NADK2: variants seen among roughly 807,000 people sequenced by gnomAD.
NADK2 encodes the protein NAD kinase domain-containing protein 1, mitochondrial.
In NADK2, 35 loss-of-function variants were observed where a neutral mutation model predicts 62.1. That is an observed-to-expected ratio of 0.56 (90% CI 0.43 to 0.75). The LOEUF (loss-of-function observed/expected upper bound fraction) is 0.75. Ranked by LOEUF, NADK2 falls within the 30% of genes least tolerant of loss-of-function variation. NADK2 has a pLI of 0.00. For synonymous variants in NADK2, 205 were observed against 207.9 expected (o/e 0.99, Z 0.12); for missense variants, 439 against 561.3 (o/e 0.78, Z 2.20).
At chr5:36,237,782 A>T (rs1251993090) in intron 1 of NADK2, among the ~76,000 whole-genome samples, 5 of 152,240 alleles carry the variant, frequency 3.3e-5, no homozygotes, top group Non-Finnish European at 5.9e-5. Flanking sequence ...TGGGGACCAC[A>T]TGCCAACCAG....
intron 1 of NADK2, among the ~76,000 whole-genome samples, chr5:36,237,746 C>A (rs1747961094): frequency 6.6e-6 from 1 of 152,098 alleles, no homozygotes; most frequent in Non-Finnish European, 1.5e-5. Flanking sequence ...TGAACTTGAG[C>A]CCACAACTGT....
Position 36,192,699 on chromosome 5 carries a change from A to G in NADK2, c.*2445T>C, listed in dbSNP as rs1322173433. 1 of 152,244 alleles carries G rather than the reference A, an allele frequency of 6.6e-6. No homozygotes were observed. The highest frequency in any genetic ancestry group is 6.5e-5 in the Admixed American group (1 of 15,286). The allele number at this position is 152,244 out of a possible 1,614,324, so 9.4% of individuals were successfully genotyped here. A position where few individuals can be genotyped will look rare whatever the true frequency, so the allele number is the denominator to read the frequency against. ...CTGAAGAGCCTACACTGACCAGGTAAGCACTTCACCCTGATTTAATAACTA... is the reference window on the plus strand; with the variant it reads ...CTGAAGAGCCTACACTGACCAGGTAGGCACTTCACCCTGATTTAATAACTA... On this transcript the variant is annotated 3_prime_UTR_variant, in exon 12 of 12. Coordinates refer to ENST00000381937, the MANE Select transcript of NADK2 (RefSeq NM_001085411.3).
rs1746097248 is a variant in NADK2 at position 36,193,447 on chromosome 5, C to T, written c.*1697G>A. On this transcript the variant is annotated 3_prime_UTR_variant, in exon 12 of 12. Coordinates refer to ENST00000381937, the MANE Select transcript of NADK2 (RefSeq NM_001085411.3). ...CGAGATCATGCCACTGCAGTCCAGCCTGGGTGACAAAGCAAGACTCCGTTC... is the reference window on the plus strand; with the variant it reads ...CGAGATCATGCCACTGCAGTCCAGCTTGGGTGACAAAGCAAGACTCCGTTC... 7.4e-6 allele frequency: 1 copy of T among 134,866 alleles called. No individual in the cohort carries two copies. Among genetic ancestry groups the T allele is most frequent in the South Asian group, 2.4e-4 (1 of 4,226 alleles). 8.4% of individuals were successfully genotyped at this position (134,866 alleles called of 1,614,324 possible). A position where few individuals can be genotyped will look rare whatever the true frequency, so the allele number is the denominator to read the frequency against.
intron 1 of NADK2, among the ~76,000 whole-genome samples, chr5:36,235,967 T>C (rs1747893216): frequency 6.6e-6 from 1 of 151,764 alleles, no homozygotes. Context: ...TTTGAAATTA[T>C]ATATTTCCGT....
Position 36,203,008 on chromosome 5 carries a change from A to C in NADK2, c.957-1847T>G, listed in dbSNP as rs78467707. On this transcript the variant is annotated intron_variant, in intron 8 of 11. Transcript: ENST00000381937. ...AATTAAAGAATTCCATACAAGAAAA[A>C]AAGCCCCTCTCTATCAAGAATTAAA... 0.012 allele frequency among the ~76,000 whole-genome samples: 1,852 copies of C among 152,236 alleles called. 156 individuals carry two copies. In the East Asian group the frequency reaches 0.21, roughly 17 times the overall value.
At position 36,197,636 on chromosome 5, in the gene NADK2, G is replaced by C. The variant is rs989280697; in HGVS notation, c.1095C>G (p.Leu365=). ...KVTNEYNESL[L]YSPEEPKILF... is the part of the protein sequence containing the mutation. ...GTATTTTTGGTTCTTCCGGACTGTA[G>C]AGCAGTGATTCATTATATTCATTTG... The change falls in exon 11 of 12, where the codon CTC becomes CTG. Residue 365 remains leucine, a synonymous_variant. Coordinates refer to ENST00000381937, the MANE Select transcript of NADK2 (RefSeq NM_001085411.3). 4 of 1,592,514 alleles carry C rather than the reference G, an allele frequency of 2.5e-6. No individual in the cohort carries two copies. The African/African-American group carries it at 5.5e-5, about 22-fold the overall frequency.
rs1747524372 is a variant in NADK2, at chr5:36,227,460, C to G, written c.389+17G>C. On this transcript the variant is annotated intron_variant, in intron 2 of 11. Coordinates refer to ENST00000381937, the MANE Select transcript of NADK2 (RefSeq NM_001085411.3). ...TGAATATAAAATCCAACCCAAGACC[C>G]AATCCCATAGACTTACCGTAAACTA... 2 of 1,353,946 alleles carry G rather than the reference C, an allele frequency of 1.5e-6. No individual in the cohort carries two copies. The highest frequency in any genetic ancestry group is 5.7e-5 in the East Asian group (2 of 34,956). 83.9% of individuals were successfully genotyped at this position (1,353,946 alleles called of 1,614,324 possible). A position where few individuals can be genotyped will look rare whatever the true frequency, so the allele number is the denominator to read the frequency against.
rs756214750 is a variant in NADK2 at position 36,192,643 on chromosome 5, AG to A, written c.*2500del. 3.3e-5 allele frequency: 5 copies of A among 152,196 alleles called. No individual in the cohort carries two copies. Among genetic ancestry groups the A allele is most frequent in the African/African-American group, 4.8e-5 (2 of 41,444 alleles). 9.4% of individuals were successfully genotyped at this position (152,196 alleles called of 1,614,324 possible). A position where few individuals can be genotyped will look rare whatever the true frequency, so the allele number is the denominator to read the frequency against. On this transcript the variant is annotated 3_prime_UTR_variant, in exon 12 of 12. Transcript: ENST00000381937. ...CAGGGGCCATGAATGTAAATGCACAAGGAGTATCAAAAATATTAAGTCAAAA... is the reference window on the plus strand; with the variant it reads ...CAGGGGCCATGAATGTAAATGCACAAGAGTATCAAAAATATTAAGTCAAAA...
chr5:36,195,176 CTTCT>C lies in NADK2; in HGVS notation c.1293_1296del (p.Glu432MetfsTer19). The C allele has an allele frequency of 1.2e-6, 2 of 1,613,076 alleles. No individual in the cohort carries two copies. The highest frequency in any genetic ancestry group is 2.2e-5 in the South Asian group (2 of 90,846). On this transcript the variant is annotated frameshift_variant, in exon 12 of 12. Coordinates refer to ENST00000381937, the MANE Select transcript of NADK2 (RefSeq NM_001085411.3). LOFTEE classifies it high-confidence loss of function. ...TCAAGAAGCACAGTTCGAAGCTCAT[CTTCT>C]TTATTGATCATCATCGAAGCAATTG...
chr5:36,222,825 C>A (rs189506597), intron 4 of NADK2, among the ~76,000 whole-genome samples: 4 of 152,210 alleles, frequency 2.6e-5, no homozygotes, highest in African/African-American at 9.6e-5. Flanking sequence ...AACTTAGGAC[C>A]AATTTGATGA....
At chr5:36,212,179 G>A in intron 6 of NADK2, 1 of 286,082 alleles carries the variant, frequency 3.5e-6, no homozygotes, top group Non-Finnish European at 6.5e-6. Context: ...AATTTCTCAA[G>A]AGTGATGAAC....
At position 36,200,251 on chromosome 5, in the gene NADK2, A is replaced by G. The variant is rs751793580; in HGVS notation, c.1042T>C (p.Leu348=). Residue 348 remains leucine (L), a synonymous_variant, in exon 10 of 12, where the codon TTG becomes CTG. Transcript: ENST00000381937. Reference sequence around the variant, plus strand: ...CCTTTCTCTACCAATTCTCTGTTCAATGGAAGACTCAAATTTCCTTGTCGT... The same window carrying G: ...CCTTTCTCTACCAATTCTCTGTTCAGTGGAAGACTCAAATTTCCTTGTCGT... The part of the protein sequence containing the change: ...AKRQGNLSLP[L]NRELVEKVTN... 2.3e-5 allele frequency: 36 copies of G among 1,585,468 alleles called. No homozygotes were observed. Among genetic ancestry groups the G allele is most frequent in the Non-Finnish European group, 2.9e-5 (34 of 1,165,182 alleles).
chr5:36,211,903 GGGTC>G lies in NADK2; in HGVS notation c.797_800del (p.Gly266AlafsTer6). 1 of 1,613,556 alleles carries G rather than the reference GGGTC, an allele frequency of 6.2e-7. No homozygotes were observed. On this transcript the variant is annotated frameshift_variant, in exon 7 of 12. Transcript: ENST00000381937. LOFTEE classifies it high-confidence loss of function. ...TTAGTGCTCTCACTGGCAGAAGTTG[GGGTC>G]CTGAAGCCTCAGACCCTGCATGTAA...
chr5:36,226,067 T>C (rs1379297206), intron 3 of NADK2, among the ~76,000 whole-genome samples: 3 of 152,194 alleles, frequency 2.0e-5, no homozygotes, highest in Admixed American at 6.5e-5. Flanking sequence ...CTTAAAGCTT[T>C]AGAAACAGTA....
At chr5:36,196,688 T>C (rs1746245331) in intron 11 of NADK2, among the ~76,000 whole-genome samples, 1 of 152,136 alleles carries the variant, frequency 6.6e-6, no homozygotes, top group African/African-American at 2.4e-5. Flanking sequence ...TAAGAAATCT[T>C]TTCCATGTCA....
chr5:36,209,598 A>G (rs989365891), intron 7 of NADK2, among the ~76,000 whole-genome samples: 2 of 152,156 alleles, frequency 1.3e-5, no homozygotes, highest in Non-Finnish European at 2.9e-5. Context: ...GTATCAGTAG[A>G]GTTAAATTTT....
intron 4 of NADK2, among the ~76,000 whole-genome samples, chr5:36,220,089 T>A (rs749472172): frequency 2.6e-5 from 4 of 152,222 alleles, no homozygotes; most frequent in African/African-American, 4.8e-5. Flanking sequence ...CACTTTAGCA[T>A]CAGCTTCCTC....
chr5:36,215,262 C>T (rs1747000884), intron 6 of NADK2, among the ~76,000 whole-genome samples: 1 of 152,170 alleles, frequency 6.6e-6, no homozygotes, highest in Admixed American at 6.5e-5. Flanking sequence ...CCTTTCAATT[C>T]AAAGACTCTT....
intron 5 of NADK2, among the ~76,000 whole-genome samples, chr5:36,219,044 T>G (rs2112136376): frequency 6.6e-6 from 1 of 152,356 alleles, no homozygotes; most frequent in African/African-American, 2.4e-5. Context: ...CTATATGCAG[T>G]TATATTATAG....
Sources: gnomAD v4.1 joint callset for allele counts (sites outside exome capture counted in the v4.1 genomes callset) on GRCh38, gnomAD v4.1.1 for gene constraint, MANE v1.5 for transcripts, NCBI Gene and HGNC (gene_info 2026-07-23, HGNC 2026-07-21) for gene names.